RET: variants seen among roughly 807,000 people sequenced by gnomAD.
The protein encoded by RET is proto-oncogene tyrosine-protein kinase receptor Ret.
In RET, 19 loss-of-function variants were observed where a neutral mutation model predicts 118.3. The ratio of observed to expected loss-of-function variants is 0.16; its 90% CI spans 0.11 to 0.24. The LOEUF (loss-of-function observed/expected upper bound fraction) is 0.24, where lower values mean the gene tolerates loss of function less well. Ranked by LOEUF, RET falls within the 10% of genes least tolerant of loss-of-function variation. The probability of loss-of-function intolerance (pLI) is 1.00; values close to 1 mark genes in which losing one functional copy is unlikely to be tolerated. For missense variants in RET, 1,219 were observed against 1,502.1 expected (o/e 0.81, Z 3.12); for synonymous variants, 597 against 644.1 (o/e 0.93, Z 1.11).
At chr10:43,092,412 G>T (rs1837429718) in intron 1 of RET, among the ~76,000 whole-genome samples, 1 of 152,198 alleles carries the variant, frequency 6.6e-6, no homozygotes, top group Non-Finnish European at 1.5e-5. Flanking sequence ...CAGTGTGAAT[G>T]CACTTAATGC....
At chr10:43,090,520 G>T (rs1837388870) in intron 1 of RET, among the ~76,000 whole-genome samples, 1 of 152,066 alleles carries the variant, frequency 6.6e-6, no homozygotes, top group African/African-American at 2.4e-5. Flanking sequence ...GCTAAGCCTT[G>T]TCCTCCTGGG....
chr10:43,105,347 G>A (rs755155553), intron 4 of RET, among the ~76,000 whole-genome samples, 154 bp downstream of exon 4: 1 of 152,084 alleles, frequency 6.6e-6, no homozygotes, highest in Non-Finnish European at 1.5e-5. Flanking sequence ...GTCTGTCCTA[G>A]GGGGAGGGGA....
intron 9 of RET, among the ~76,000 whole-genome samples, 194 bp from the exon 10 acceptor site, chr10:43,113,362 T>A (rs1289400346): frequency 6.6e-6 from 1 of 152,154 alleles, no homozygotes; most frequent in Non-Finnish European, 1.5e-5. Flanking sequence ...GGGCCTGGCT[T>A]CACCCATGGC....
At chr10:43,125,546 G>T (rs989424350) in intron 18 of RET, among the ~76,000 whole-genome samples, 1 of 152,182 alleles carries the variant, frequency 6.6e-6, no homozygotes, top group Admixed American at 6.5e-5. Context: ...AGAGCCGAAC[G>T]CAGGCCAAAC....
chr10:43,121,041 G>A (rs1382828877), intron 15 of RET, among the ~76,000 whole-genome samples: 2 of 152,236 alleles, frequency 1.3e-5, no homozygotes, highest in South Asian at 4.1e-4. Flanking sequence ...GAGCTGTTCC[G>A]TTTCTTCTGG....
At chr10:43,087,385 A>G (rs377680953) in intron 1 of RET, among the ~76,000 whole-genome samples, 14 of 152,348 alleles carry the variant, frequency 9.2e-5, no homozygotes, top group Middle Eastern at 3.4e-3. Flanking sequence ...CCGCACTGCC[A>G]TGATGATAAC....
intron 9 of RET, among the ~76,000 whole-genome samples, chr10:43,113,306 C>G (rs1407690665): frequency 1.3e-5 from 2 of 152,192 alleles, no homozygotes; most frequent in Non-Finnish European, 2.9e-5. Context: ...CCACCAGGCT[C>G]CAGTTTTGGA....
At chr10:43,110,803 T>C (rs1249394945) in intron 6 of RET, among the ~76,000 whole-genome samples, 1 of 152,096 alleles carries the variant, frequency 6.6e-6, no homozygotes, top group East Asian at 1.9e-4. Context: ...AGAGCACTGC[T>C]GGGGCAGCTG....
At chr10:43,121,112 C>G (rs985980057) in intron 15 of RET, among the ~76,000 whole-genome samples, 1 of 152,250 alleles carries the variant, frequency 6.6e-6, no homozygotes, top group Non-Finnish European at 1.5e-5. Flanking sequence ...GGGGCTGGCC[C>G]CTGCCCTGTG....
rs772292843 is a variant in RET, at chr10:43,111,270, C to T, written c.1327C>T (p.His443Tyr). ...FSGINVQYKLHSSGANCSTLG... is the reference protein window; with the variant it reads ...FSGINVQYKLYSSGANCSTLG... ...TGGCATCAACGTCCAGTACAAGCTGCATTCCTCTGGTGCCAACTGCAGCAC... is the reference window on the plus strand; with the variant it reads ...TGGCATCAACGTCCAGTACAAGCTGTATTCCTCTGGTGCCAACTGCAGCAC... Residue 443 changes from histidine to tyrosine, a missense_variant, in exon 7 of 20, where the codon CAT becomes TAT. Physicochemically the swap from His to Tyr is moderately conservative, Grantham distance 83. Around this residue, in one of 5 missense-constraint regions of RET, gnomAD observed 850 missense variants for 969.6 expected, o/e 0.88. Transcript: ENST00000355710. 2 of 1,614,194 alleles carry T rather than the reference C, an allele frequency of 1.2e-6. No individual in the cohort carries two copies. The highest frequency in any genetic ancestry group is 1.7e-6 in the Non-Finnish European group (2 of 1,180,046).
chr10:43,079,333 C>A (rs1837126492), intron 1 of RET, among the ~76,000 whole-genome samples: 1 of 152,236 alleles, frequency 6.6e-6, no homozygotes, highest in South Asian at 2.1e-4. Context: ...CACTCATACA[C>A]ACAGGGACGC....
chr10:43,109,760 G>T (rs900923576), intron 6 of RET, among the ~76,000 whole-genome samples: 4 of 151,890 alleles, frequency 2.6e-5, no homozygotes, highest in African/African-American at 9.7e-5. Flanking sequence ...GGAAAATAAT[G>T]ATTAGAAATA....
chr10:43,089,771 C>T (rs2132583533), intron 1 of RET, among the ~76,000 whole-genome samples: 1 of 152,356 alleles, frequency 6.6e-6, no homozygotes, highest in African/African-American at 2.4e-5. Context: ...GGCTCATAGG[C>T]AGGGCATCTG....
rs1838381962 is a variant in RET at position 43,128,428 on chromosome 10, G to T, written c.*159G>T. On this transcript the variant is annotated 3_prime_UTR_variant, in exon 20 of 20. Transcript: ENST00000355710. ...GTAGTTTGTTTTAACTTCCAAGGTG[G>T]TTTTACTTCTGATAGCCGGTGATTT... is the stretch of plus-strand genomic sequence containing the variant. 2.5e-6 allele frequency: 2 copies of T among 812,732 alleles called. No individual in the cohort carries two copies. Among genetic ancestry groups the T allele is most frequent in the South Asian group, 1.5e-5 (1 of 68,228 alleles). The allele number at this position is 812,732 out of a possible 1,614,324, so 50.3% of individuals were successfully genotyped here.
chr10:43,121,327 AATG>A (rs1838213505), intron 15 of RET, among the ~76,000 whole-genome samples: 1 of 152,132 alleles, frequency 6.6e-6, no homozygotes, highest in Non-Finnish European at 1.5e-5. Flanking sequence ...ACATTTTAAA[AATG>A]GACTTGCACC....
chr10:43,109,325 A>G (rs1428133994), intron 6 of RET, 95 bp downstream of exon 6: 7 of 1,228,140 alleles, frequency 5.7e-6, no homozygotes, highest in Non-Finnish European at 8.1e-6. Flanking sequence ...TGGCCCAACC[A>G]GCACAGAGTA....
intron 12 of RET, among the ~76,000 whole-genome samples, chr10:43,117,178 T>C (rs1479680540): frequency 6.6e-6 from 1 of 152,228 alleles, no homozygotes; most frequent in African/African-American, 2.4e-5. Context: ...CACATGCACC[T>C]ACCCACACAG....
At chr10:43,097,389 G>A (rs777294492) in intron 1 of RET, among the ~76,000 whole-genome samples, 7 of 152,150 alleles carry the variant, frequency 4.6e-5, no homozygotes, top group Non-Finnish European at 1.0e-4. Context: ...CAGGGCCAGA[G>A]GTGTGTGTCC....
At chr10:43,084,872 C>A (rs1837257147) in intron 1 of RET, among the ~76,000 whole-genome samples, 1 of 152,154 alleles carries the variant, frequency 6.6e-6, no homozygotes, top group Admixed American at 6.5e-5. Flanking sequence ...GTGCAAGGAG[C>A]CAGCAGACCC....
Sources: gnomAD v4.1 joint callset for allele counts (sites outside exome capture counted in the v4.1 genomes callset) on GRCh38, gnomAD v4.1.1 for gene constraint, gnomAD v4.1.1 regional missense constraint, MANE v1.5 for transcripts, NCBI Gene and HGNC (gene_info 2026-07-23, HGNC 2026-07-21) for gene names.